Variants in RAB38 observed in about 807,000 individuals in gnomAD.
The protein encoded by RAB38 is RAB38, member RAS oncogene family, also known as ras-related protein Rab-38.
RAB38 carries 15 observed loss-of-function variants against 18.4 expected under a neutral mutation model. The ratio of observed to expected loss-of-function variants is 0.82; its 90% confidence interval spans 0.55 to 1.26. The LOEUF (loss-of-function observed/expected upper bound fraction) is 1.26, where lower values mean the gene tolerates loss of function less well. Among genes scored for constraint, RAB38 ranks in the 50% most tolerant of loss-of-function variants. RAB38 has a pLI of 0.00. For synonymous variants in RAB38, 101 were observed against 104.4 expected, an observed-to-expected ratio of 0.97 and a Z score of 0.20; for missense variants, 294 against 267.4, an observed-to-expected ratio of 1.10 and a Z score of -0.69.
At chr11:88,043,735 T>C in the RAB38 span, among the ~76,000 whole-genome samples, 1 of 152,092 alleles carries the variant, frequency 6.6e-6, no homozygotes, top group Non-Finnish European at 1.5e-5. Context: ...TGCACCCAGG[T>C]GAAATAAACA....
At chr11:87,873,533 A>G in the RAB38 span, among the ~76,000 whole-genome samples, 3 of 151,348 alleles carry the variant, frequency 2.0e-5, no homozygotes, top group African/African-American at 7.3e-5. Flanking sequence ...ACCAAACCCA[A>G]CCCAAAGTCA....
the RAB38 span, among the ~76,000 whole-genome samples, chr11:88,095,938 C>G: frequency 2.0e-5 from 3 of 151,982 alleles, no homozygotes; most frequent in East Asian, 5.8e-4. Flanking sequence ...GCACCTCATC[C>G]ACTGCTACCC....
the RAB38 span, among the ~76,000 whole-genome samples, chr11:87,941,464 C>T: frequency 6.6e-6 from 1 of 151,622 alleles, no homozygotes; most frequent in Non-Finnish European, 1.5e-5. Context: ...CACATCCCCT[C>T]CTGAGGTAAC....
the RAB38 span, among the ~76,000 whole-genome samples, chr11:87,852,896 G>T: frequency 6.6e-6 from 1 of 151,748 alleles, no homozygotes; most frequent in Admixed American, 6.6e-5. Flanking sequence ...CTTTTCTTTT[G>T]TCTAAAATCT....
At chr11:87,877,453 C>T in the RAB38 span, among the ~76,000 whole-genome samples, 2 of 151,598 alleles carry the variant, frequency 1.3e-5, no homozygotes, top group East Asian at 2.0e-4. Context: ...TCCCTCCCCC[C>T]ACACCCATGC....
the RAB38 span, among the ~76,000 whole-genome samples, chr11:87,948,179 T>A: frequency 6.6e-6 from 1 of 152,220 alleles, no homozygotes; most frequent in Non-Finnish European, 1.5e-5. Context: ...AGTTCATTCA[T>A]GATTTGGCTC....
chr11:87,954,841 C>T, the RAB38 span, among the ~76,000 whole-genome samples: 1 of 152,142 alleles, frequency 6.6e-6, no homozygotes, highest in East Asian at 1.9e-4. Context: ...ACCCTTTCAT[C>T]TGGGATGAAA....
chr11:87,952,241 A>G, the RAB38 span, among the ~76,000 whole-genome samples: 1 of 152,096 alleles, frequency 6.6e-6, no homozygotes, highest in African/African-American at 2.4e-5. Flanking sequence ...CCTCTTTTGT[A>G]TCTCTCAAAG....
the RAB38 span, among the ~76,000 whole-genome samples, chr11:87,826,985 T>C: frequency 6.6e-6 from 1 of 152,172 alleles, no homozygotes; most frequent in Non-Finnish European, 1.5e-5. Flanking sequence ...GACATTTCTT[T>C]TTCCTGTGTG....
chr11:87,957,628 G>C, the RAB38 span, among the ~76,000 whole-genome samples: 1 of 152,100 alleles, frequency 6.6e-6, no homozygotes, highest in African/African-American at 2.4e-5. Flanking sequence ...TCAGCATATG[G>C]GGCAGGAACT....
At chr11:88,141,618 A>ACT (rs1165683804) in intron 2 of RAB38, among the ~76,000 whole-genome samples, 1 of 152,192 alleles carries the variant, frequency 6.6e-6, no homozygotes, top group African/African-American at 2.4e-5. Context: ...TTGAGTTCAG[A>ACT]CTTCTACAGT....
chr11:87,958,690 G>A, the RAB38 span, among the ~76,000 whole-genome samples: 13 of 152,242 alleles, frequency 8.5e-5, no homozygotes, highest in East Asian at 2.5e-3. Flanking sequence ...AAACTGAAAA[G>A]TATCAAAAGG....
intron 2 of RAB38, among the ~76,000 whole-genome samples, chr11:88,118,172 G>T (rs1199865384): frequency 6.6e-6 from 1 of 152,168 alleles, no homozygotes; most frequent in African/African-American, 2.4e-5. Flanking sequence ...ATAAATAAAG[G>T]AACACAATGG....
intron 1 of RAB38, among the ~76,000 whole-genome samples, chr11:88,155,667 C>T (rs1275467507): frequency 6.6e-6 from 1 of 152,202 alleles, no homozygotes; most frequent in Non-Finnish European, 1.5e-5. Context: ...ATTGCACTAG[C>T]TTTCCAGCAA....
At chr11:87,875,694 A>AT in the RAB38 span, among the ~76,000 whole-genome samples, 90 of 151,370 alleles carry the variant, frequency 5.9e-4, no homozygotes, top group Non-Finnish European at 1.0e-3. Flanking sequence ...CCTTAGTTAG[A>AT]TTTTTTCTCT....
At chr11:87,900,330 A>G in the RAB38 span, among the ~76,000 whole-genome samples, 3 of 151,586 alleles carry the variant, frequency 2.0e-5, no homozygotes, top group Non-Finnish European at 3.0e-5. Flanking sequence ...ATAGAAATCA[A>G]CAGAGATGAG....
chr11:87,939,951 A>G, the RAB38 span, among the ~76,000 whole-genome samples: 1 of 152,050 alleles, frequency 6.6e-6, no homozygotes, highest in African/African-American at 2.4e-5. Flanking sequence ...ACCTTAATAA[A>G]CTAGAAAAAG....
the RAB38 span, among the ~76,000 whole-genome samples, chr11:87,932,772 C>T: frequency 6.6e-6 from 1 of 152,080 alleles, no homozygotes; most frequent in East Asian, 1.9e-4. Flanking sequence ...AACCACCTGA[C>T]TCATCTACTC....
chr11:87,898,895 G>C, the RAB38 span, among the ~76,000 whole-genome samples: 1 of 151,634 alleles, frequency 6.6e-6, no homozygotes, highest in Admixed American at 6.6e-5. Context: ...GAAGGACCAA[G>C]ATGCCTGTTA....
Sources: gnomAD v4.1 joint callset for allele counts (sites outside exome capture counted in the v4.1 genomes callset) on GRCh38, gnomAD v4.1.1 for gene constraint, MANE v1.5 for transcripts, NCBI Gene and HGNC (gene_info 2026-07-23, HGNC 2026-07-21) for gene names.